Variants in ARHGEF11 observed in about 807,000 individuals in gnomAD.
The protein encoded by ARHGEF11 is Rho guanine exchange factor (GEF) 11.
In ARHGEF11, 55 loss-of-function variants were observed where a neutral mutation model predicts 193.7. That is an observed-to-expected ratio of 0.28 (90% CI 0.23 to 0.36). ARHGEF11 has a LOEUF of 0.36. ARHGEF11 is among the 10% of genes least tolerant of loss of function. ARHGEF11 has a pLI of 1.00. For synonymous variants in ARHGEF11, 693 were observed against 768.0 expected (o/e 0.90, Z 1.62); for missense variants, 1,723 against 2,005.6 (o/e 0.86, Z 2.69).
Position 156,941,966 on chromosome 1 carries a change from G to T in ARHGEF11, c.3350C>A (p.Ala1117Asp), listed in dbSNP as rs527422829. Residue 1117 changes from alanine to aspartate, a missense_variant, in exon 34 of 41, where the codon GCC (alanine) becomes GAC (aspartate). By Grantham distance (126) the Ala-to-Asp change is moderately radical. This residue lies in a region of ARHGEF11 where 203 missense variants were observed against 237.3 expected (regional missense o/e 0.86). Transcript: ENST00000368194. ...GGGGTGCCTGGTGGCATTCCGCACG[G>T]CCTCTTCTAAGAGCTCCATCCATCT... ...KNTWMELLEEAVRNATRHPGA... is the reference protein window; with the variant it reads ...KNTWMELLEEDVRNATRHPGA... The T allele has an allele frequency of 6.2e-7, 1 of 1,614,088 alleles. No individual in the cohort carries two copies. Among genetic ancestry groups the T allele is most frequent in the Admixed American group, 1.7e-5 (1 of 60,014 alleles).
chr1:156,971,412 A>G (rs1662465550), intron 8 of ARHGEF11, among the ~76,000 whole-genome samples: 1 of 152,262 alleles, frequency 6.6e-6, no homozygotes, highest in South Asian at 2.1e-4. Context: ...AATAATTCAG[A>G]GACTAACACT....
chr1:156,958,178 T>C (rs1660243778), intron 17 of ARHGEF11, among the ~76,000 whole-genome samples: 1 of 152,198 alleles, frequency 6.6e-6, no homozygotes, highest in Admixed American at 6.5e-5. Flanking sequence ...AAGCCTGAAG[T>C]GTCCCCATAA....
intron 1 of ARHGEF11, among the ~76,000 whole-genome samples, chr1:157,014,632 A>G (rs1035547198): frequency 6.6e-6 from 1 of 152,136 alleles, no homozygotes; most frequent in East Asian, 1.9e-4. Flanking sequence ...AGTCGTCTAC[A>G]TCGACTGTCT....
At chr1:157,021,168 G>A (rs115945034) in intron 1 of ARHGEF11, among the ~76,000 whole-genome samples, 2,254 of 152,330 alleles carry the variant, frequency 0.015, 54 homozygotes, top group African/African-American at 0.052. Flanking sequence ...ACACAGTACA[G>A]GCTGAAGAGA....
At chr1:157,031,386 C>G (rs996129292) in intron 1 of ARHGEF11, among the ~76,000 whole-genome samples, 15 of 152,094 alleles carry the variant, frequency 9.9e-5, no homozygotes, top group African/African-American at 3.6e-4. Context: ...GCTATTAGCC[C>G]TGAACTAGGC....
chr1:157,042,680 A>G (rs1054366879), intron 1 of ARHGEF11, among the ~76,000 whole-genome samples: 3 of 152,202 alleles, frequency 2.0e-5, no homozygotes, highest in Non-Finnish European at 4.4e-5. Flanking sequence ...ATTTTTATCT[A>G]TGAGGATATC....
chr1:157,046,065 C>G (rs1303720237), upstream of ARHGEF11, among the ~76,000 whole-genome samples: 1 of 151,268 alleles, frequency 6.6e-6, no homozygotes, highest in Non-Finnish European at 1.5e-5. Flanking sequence ...CCCTGCCCCC[C>G]ACAACCCTTT....
intron 27 of ARHGEF11, 59 bp downstream of exon 27, chr1:156,946,877 A>G: frequency 6.2e-7 from 1 of 1,613,268 alleles, no homozygotes; most frequent in Non-Finnish European, 8.5e-7. Flanking sequence ...GCCTTGGGTA[A>G]TGAGACCCTG....
intron 1 of ARHGEF11, among the ~76,000 whole-genome samples, chr1:156,996,653 G>A (rs12118957): frequency 0.014 from 2,125 of 151,118 alleles, 59 homozygotes; most frequent in African/African-American, 0.049. Context: ...GGCGCCTGTA[G>A]TCCCAGCTAC....
intron 6 of ARHGEF11, 96 bp from the exon 7 acceptor site, chr1:156,977,150 G>A: frequency 2.0e-6 from 2 of 1,021,570 alleles, no homozygotes; most frequent in African/African-American, 1.6e-5. Flanking sequence ...ACAGCTATGA[G>A]AATAGAGCCT....
At chr1:156,995,839 G>A (rs1223359237) in intron 1 of ARHGEF11, among the ~76,000 whole-genome samples, 1 of 151,798 alleles carries the variant, frequency 6.6e-6, no homozygotes, top group Non-Finnish European at 1.5e-5. Flanking sequence ...CACTGTGCCC[G>A]GCCGGTTTGG....
chr1:156,981,968 T>C (rs559579393), intron 3 of ARHGEF11, among the ~76,000 whole-genome samples: 2 of 152,330 alleles, frequency 1.3e-5, no homozygotes, highest in East Asian at 3.9e-4. Flanking sequence ...CATCTAAATG[T>C]TTCTACTCTA....
intron 1 of ARHGEF11, among the ~76,000 whole-genome samples, chr1:157,000,659 T>C (rs1667102013): frequency 6.6e-6 from 1 of 152,216 alleles, no homozygotes; most frequent in African/African-American, 2.4e-5. Flanking sequence ...AAAGTTAGTG[T>C]TCTACTTTAA....
At chr1:156,977,203 T>A in intron 6 of ARHGEF11, 149 bp from the exon 7 acceptor site, 1 of 698,450 alleles carries the variant, frequency 1.4e-6, no homozygotes, top group Non-Finnish European at 2.5e-6. Context: ...CGGAATGCAG[T>A]AAACACAAAA....
At chr1:156,975,251 T>C (rs1165240619) in intron 7 of ARHGEF11, among the ~76,000 whole-genome samples, 1 of 152,258 alleles carries the variant, frequency 6.6e-6, no homozygotes, top group East Asian at 1.9e-4. Context: ...GCCATCCTAA[T>C]AGGTGAGAAG....
At chr1:157,027,940 G>C (rs1259346717) in intron 1 of ARHGEF11, among the ~76,000 whole-genome samples, 1 of 152,152 alleles carries the variant, frequency 6.6e-6, no homozygotes, top group Non-Finnish European at 1.5e-5. Flanking sequence ...GAGAAAGAGA[G>C]ATCCCTGAAG....
intron 1 of ARHGEF11, among the ~76,000 whole-genome samples, chr1:157,015,096 A>G (rs1466835116): frequency 2.0e-5 from 3 of 152,168 alleles, no homozygotes; most frequent in African/African-American, 4.8e-5. Flanking sequence ...CTGGCAATCA[A>G]TCTTGACTCT....
At position 156,948,033 on chromosome 1, in the gene ARHGEF11, C is replaced by A; in HGVS notation, c.2154-77G>T. On this transcript the variant is annotated intron_variant, in intron 24 of 40. Transcript: ENST00000368194. The surrounding 1 kb of genome is among the most constrained non-coding windows in gnomAD (Gnocchi z 4.2). ...AGGGTTTGGCCCTCCCTCTCCTGCC[C>A]GACCTGCTTGCCCCATGCACATGGG... is the stretch of plus-strand genomic sequence containing the variant. The A allele has an allele frequency of 6.4e-7, 1 of 1,562,164 alleles. No individual in the cohort carries two copies. The highest frequency in any genetic ancestry group is 8.7e-7 in the Non-Finnish European group (1 of 1,148,242).
chr1:156,935,701 A>G lies in ARHGEF11; in HGVS notation c.*299T>C. 2.5e-6 allele frequency: 1 copy of G among 393,446 alleles called. No individual in the cohort carries two copies. Among genetic ancestry groups the G allele is most frequent in the Non-Finnish European group, 4.6e-6 (1 of 218,194 alleles). The allele number at this position is 393,446 out of a possible 1,614,324, so 24.4% of individuals were successfully genotyped here. A position where few individuals can be genotyped will look rare whatever the true frequency, so the allele number is the denominator to read the frequency against. ...CATACAGGCGTGCGCGTGTACACACATATGTGGGGTGAGGGCAGACCATGG... is the reference window on the plus strand; with the variant it reads ...CATACAGGCGTGCGCGTGTACACACGTATGTGGGGTGAGGGCAGACCATGG... On this transcript the variant is annotated 3_prime_UTR_variant, in exon 41 of 41. Transcript: ENST00000368194.
Sources: allele counts gnomAD v4.1 joint callset (sites outside exome capture counted in the v4.1 genomes callset), GRCh38; gene constraint gnomAD v4.1.1; regional missense constraint gnomAD v4.1.1; non-coding constraint Gnocchi (gnomAD v3.1); transcripts MANE v1.5; gene names NCBI Gene and HGNC (gene_info 2026-07-23, HGNC 2026-07-21).